Variants in DNAH5 observed in about 807,000 individuals in gnomAD.
DNAH5 encodes axonemal beta dynein heavy chain 5.
In DNAH5, 372 loss-of-function variants were observed where a neutral mutation model predicts 518.2. That is an observed-to-expected ratio of 0.72 (90% CI 0.66 to 0.78). The LOEUF is 0.78. DNAH5 is among the 30% of genes least tolerant of loss of function. The pLI is 0.00. For missense variants in DNAH5, 5,523 were observed against 5,687.0 expected, an observed-to-expected ratio of 0.97 and a Z score of 0.93; for synonymous variants, 2,039 against 2,025.9, an observed-to-expected ratio of 1.01 and a Z score of -0.17.
At chr5:13,917,352 A>G in intron 7 of DNAH5, 96 bp from the exon 8 acceptor site, 1 of 860,336 alleles carries the variant, frequency 1.2e-6, no homozygotes, top group East Asian at 2.6e-5. Flanking sequence ...CCATTAGGCG[A>G]GACCTTCTGT....
chr5:13,977,539 A>G (rs1260710806), intron 1 of DNAH5, among the ~76,000 whole-genome samples: 8 of 151,980 alleles, frequency 5.3e-5, no homozygotes, highest in Admixed American at 5.2e-4. Context: ...AGACCTTCCT[A>G]ACTTTCCTCC....
rs34671383 is a variant in DNAH5 at position 13,859,566 on chromosome 5, C to G, written c.4836G>C (p.Val1612=). The G allele has an allele frequency of 1.3e-5, 21 of 1,613,948 alleles. No homozygotes were observed. The highest frequency in any genetic ancestry group is 1.8e-5 in the Non-Finnish European group (21 of 1,179,952). ...MPFKAQIQKW[V]QYLSNSTDII... is the part of the protein sequence containing the mutation. Reference sequence around the variant, plus strand: ...TGTCTGTTGAGTTGGAAAGGTACTGCACCCATTTTTGAATCTGGGCTTTGA... The same window carrying G: ...TGTCTGTTGAGTTGGAAAGGTACTGGACCCATTTTTGAATCTGGGCTTTGA... Residue 1612 remains valine (V), a synonymous_variant, in exon 30 of 79, where the codon GTG becomes GTC. Transcript: ENST00000265104.
rs775076498 is a variant in DNAH5, at chr5:13,720,987, T to C, written c.12279+13A>G. 3.1e-6 allele frequency: 5 copies of C among 1,614,136 alleles called. No individual in the cohort carries two copies. Among genetic ancestry groups the C allele is most frequent in the South Asian group, 2.2e-5 (2 of 91,084 alleles). ...TGAACAGCATGGCACAAAAGTAGAC[T>C]ATTCAGCCTTACGTTCGCCATGGTC... On this transcript the variant is annotated intron_variant, in intron 71 of 78. Transcript: ENST00000265104.
chr5:13,991,205 C>T (rs1190221811), intron 1 of DNAH5, among the ~76,000 whole-genome samples: 3 of 152,136 alleles, frequency 2.0e-5, no homozygotes, highest in Non-Finnish European at 4.4e-5. Context: ...AATGCCTAAG[C>T]TAAGAGCAAA....
At chr5:13,730,086 A>G (rs1412978347) in intron 68 of DNAH5, among the ~76,000 whole-genome samples, 1 of 152,242 alleles carries the variant, frequency 6.6e-6, no homozygotes, top group Non-Finnish European at 1.5e-5. Context: ...TATTACTTAC[A>G]TCTACCTTGA....
At chr5:13,868,444 A>G (rs565455341) in intron 24 of DNAH5, among the ~76,000 whole-genome samples, 2 of 152,328 alleles carry the variant, frequency 1.3e-5, no homozygotes, top group Non-Finnish European at 2.9e-5. Flanking sequence ...AGGTTCCAAT[A>G]GTAAGACACA....
intron 1 of DNAH5, among the ~76,000 whole-genome samples, chr5:13,992,173 A>G (rs957013847): frequency 3.3e-5 from 5 of 152,196 alleles, no homozygotes; most frequent in African/African-American, 9.7e-5. Flanking sequence ...TCTTAAAATA[A>G]TATTATTCAT....
intron 70 of DNAH5, among the ~76,000 whole-genome samples, chr5:13,725,696 C>T (rs1438084074): frequency 6.6e-6 from 1 of 152,182 alleles, no homozygotes; most frequent in Non-Finnish European, 1.5e-5. Flanking sequence ...CACCCTGGCA[C>T]CTAGGCTGGG....
At chr5:13,911,199 C>G (rs1354906867) in intron 12 of DNAH5, among the ~76,000 whole-genome samples, 187 bp downstream of exon 12, 1 of 152,148 alleles carries the variant, frequency 6.6e-6, no homozygotes. Context: ...TATTTATGAC[C>G]CTTTAATCCA....
At chr5:13,755,931 G>T (rs997330900) in intron 61 of DNAH5, among the ~76,000 whole-genome samples, 1 of 152,192 alleles carries the variant, frequency 6.6e-6, no homozygotes, top group Non-Finnish European at 1.5e-5. Context: ...TACAATTTGG[G>T]AGAAGAGAAA....
Position 13,727,460 on chromosome 5 carries a change from TC to T in DNAH5, c.12033+46del, listed in dbSNP as rs1745904668. The T allele has an allele frequency of 2.6e-6, 4 of 1,531,916 alleles. No homozygotes were observed. In the Admixed American group the frequency reaches 7.6e-5, roughly 29 times the overall value. 94.9% of individuals were successfully genotyped at this position (1,531,916 alleles called of 1,614,324 possible). A position where few individuals can be genotyped will look rare whatever the true frequency, so the allele number is the denominator to read the frequency against. Reference sequence around the variant, plus strand: ...TTTTTTTTAATTTAAAAGAAAATTCTCTTTAAAAATATTCTCTCATTTTTCT... The same window carrying T: ...TTTTTTTTAATTTAAAAGAAAATTCTTTTAAAAATATTCTCTCATTTTTCT... On this transcript the variant is annotated intron_variant, in intron 70 of 78. Coordinates refer to ENST00000265104, the MANE Select transcript of DNAH5 (RefSeq NM_001369.3).
chr5:13,784,957 T>C (rs1353419965), intron 52 of DNAH5, among the ~76,000 whole-genome samples: 1 of 152,176 alleles, frequency 6.6e-6, no homozygotes, highest in African/African-American at 2.4e-5. Flanking sequence ...ACCAGTATTG[T>C]GGAAGACAAT....
intron 46 of DNAH5, among the ~76,000 whole-genome samples, 171 bp downstream of exon 46, chr5:13,808,873 T>C (rs1760108321): frequency 6.6e-6 from 1 of 152,106 alleles, no homozygotes; most frequent in Non-Finnish European, 1.5e-5. Flanking sequence ...GGCAGGAGAA[T>C]GGCGTGAACC....
intron 1 of DNAH5, among the ~76,000 whole-genome samples, chr5:13,962,997 G>T (rs1425852774): frequency 6.6e-6 from 1 of 152,056 alleles, no homozygotes; most frequent in Admixed American, 6.5e-5. Flanking sequence ...CAAGAGCAGG[G>T]AGCATCTCCC....
At chr5:13,931,324 T>C in intron 1 of DNAH5, 80 bp from the exon 2 acceptor site, 1 of 1,590,878 alleles carries the variant, frequency 6.3e-7, no homozygotes, top group Non-Finnish European at 8.6e-7. Context: ...CATACAATTG[T>C]TGTTTTTTCA....
chr5:13,900,058 C>T (rs1009585909), intron 15 of DNAH5, 148 bp downstream of exon 15: 12 of 726,116 alleles, frequency 1.7e-5, no homozygotes, highest in Non-Finnish European at 2.5e-5. Context: ...CCAGCCAACT[C>T]TGCAGCTGCA....
intron 35 of DNAH5, among the ~76,000 whole-genome samples, chr5:13,834,641 A>T (rs1764136783): frequency 6.6e-6 from 1 of 152,218 alleles, no homozygotes; most frequent in Non-Finnish European, 1.5e-5. Context: ...GTGACTCTCT[A>T]GCAGGGGACT....
chr5:13,914,159 A>G (rs534921353), intron 10 of DNAH5, among the ~76,000 whole-genome samples: 1 of 152,132 alleles, frequency 6.6e-6, no homozygotes, highest in African/African-American at 2.4e-5. Flanking sequence ...TAATCGGGTT[A>G]CTCACGATGC....
intron 40 of DNAH5, 111 bp from the exon 41 acceptor site, chr5:13,820,610 G>C: frequency 7.8e-7 from 1 of 1,282,418 alleles, no homozygotes; most frequent in South Asian, 1.2e-5. Context: ...AGATCACAAG[G>C]TCAGGAGTTC....
Sources: allele counts gnomAD v4.1 joint callset (sites outside exome capture counted in the v4.1 genomes callset), GRCh38; gene constraint gnomAD v4.1.1; transcripts MANE v1.5; gene names NCBI Gene and HGNC (gene_info 2026-07-23, HGNC 2026-07-21).